SRRM1: variants seen among roughly 807,000 people sequenced by gnomAD.
The protein encoded by SRRM1 is serine/arginine repetitive matrix protein 1.
SRRM1 carries 19 observed loss-of-function variants against 110.2 expected under a neutral mutation model. That is an observed-to-expected ratio of 0.17 (90% CI 0.12 to 0.25). SRRM1 has a LOEUF of 0.25. Ranked by LOEUF, SRRM1 falls within the 10% of genes least tolerant of loss-of-function variation. The probability of loss-of-function intolerance (pLI) is 1.00; values close to 1 mark genes in which losing one functional copy is unlikely to be tolerated. For missense variants in SRRM1, 918 were observed against 1,145.8 expected, an observed-to-expected ratio of 0.80 and a Z score of 2.87; for synonymous variants, 443 against 414.9, an observed-to-expected ratio of 1.07 and a Z score of -0.82.
chr1:24,667,017 G>A, intron 13 of SRRM1, 92 bp downstream of exon 13: 1 of 757,204 alleles, frequency 1.3e-6, no homozygotes, highest in Non-Finnish European at 2.2e-6. Context: ...TTCCTAACAA[G>A]GTTGGAGAGA....
chr1:24,653,543 C>T (rs1662264538), intron 8 of SRRM1, among the ~76,000 whole-genome samples: 3 of 151,950 alleles, frequency 2.0e-5, no homozygotes, highest in Admixed American at 1.3e-4. Context: ...TTCCATAATC[C>T]GTGGGGGAAT....
chr1:24,662,368 G>A (rs1667707740), intron 11 of SRRM1, among the ~76,000 whole-genome samples: 1 of 152,158 alleles, frequency 6.6e-6, no homozygotes, highest in African/African-American at 2.4e-5. Flanking sequence ...TTTCTGCCTT[G>A]GCCTCCCAAA....
At chr1:24,657,117 G>C (rs1360773285) in intron 9 of SRRM1, among the ~76,000 whole-genome samples, 1 of 152,096 alleles carries the variant, frequency 6.6e-6, no homozygotes, top group African/African-American at 2.4e-5. Flanking sequence ...ATCTCACTCT[G>C]TCACTCGGGC....
chr1:24,645,834 T>A (rs532440116), intron 1 of SRRM1, 150 bp from the exon 2 acceptor site: 24 of 556,036 alleles, frequency 4.3e-5, no homozygotes, highest in Admixed American at 9.6e-5. Flanking sequence ...ATCAGCTACA[T>A]TGGGGAAGGA....
intron 9 of SRRM1, among the ~76,000 whole-genome samples, chr1:24,660,182 T>C (rs1666403562): frequency 6.6e-6 from 1 of 152,180 alleles, no homozygotes; most frequent in Admixed American, 6.5e-5. Flanking sequence ...AAGTTGAGTG[T>C]GAGGGAGTGA....
At chr1:24,648,314 A>G (rs1208140167) in intron 3 of SRRM1, 1 of 152,278 alleles carries the variant, frequency 6.6e-6, no homozygotes, top group Admixed American at 6.5e-5. Context: ...CATTGTTATA[A>G]TAGATTTTCC....
rs928827052 is a variant in SRRM1 at position 24,662,732 on chromosome 1, G to A, written c.1556G>A (p.Arg519Lys). The change falls in exon 12 of 17, where the codon AGG (arginine) becomes AAG (lysine). Residue 519 changes from arginine (R) to lysine (K), a missense_variant. Transcript: ENST00000323848. ...CATGTGAAGAATGGTGAGGTTGGCA[G>A]GCGGCGGAGACATTCCCCTTCCCGG... ...RSHVKNGEVG[R>K]RRRHSPSRSA... 6.2e-7 allele frequency: 1 copy of A among 1,614,214 alleles called. No homozygotes were observed. The highest frequency in any genetic ancestry group is 8.5e-7 in the Non-Finnish European group (1 of 1,180,048).
At chr1:24,658,315 A>G (rs980443595) in intron 9 of SRRM1, among the ~76,000 whole-genome samples, 11 of 151,586 alleles carry the variant, frequency 7.3e-5, no homozygotes, top group African/African-American at 1.7e-4. Flanking sequence ...GGTTCAAGCA[A>G]TTCTCCTGCC....
intron 12 of SRRM1, 113 bp downstream of exon 12, chr1:24,662,917 G>T: frequency 2.8e-6 from 4 of 1,411,502 alleles, no homozygotes; most frequent in South Asian, 2.8e-5. Context: ...GGATGTGGTT[G>T]GATTTTTGTT....
intron 9 of SRRM1, among the ~76,000 whole-genome samples, chr1:24,658,250 G>A (rs1665310789): frequency 7.1e-6 from 1 of 139,984 alleles, no homozygotes; most frequent in Non-Finnish European, 1.5e-5. Flanking sequence ...TTGCTCTGTC[G>A]CCCAGGCTGG....
At chr1:24,653,150 A>G (rs1434230080) in intron 8 of SRRM1, 118 bp downstream of exon 8, 9 of 965,810 alleles carry the variant, frequency 9.3e-6, no homozygotes, top group East Asian at 2.8e-5. Context: ...GATATTAGAC[A>G]ATGTCTTCTA....
rs1281608204 is a variant in SRRM1 at position 24,669,443 on chromosome 1, G to A, written c.2060G>A (p.Arg687Gln). The change falls in exon 14 of 17, where the codon CGG (arginine) becomes CAG (glutamine). Residue 687 changes from arginine to glutamine, a missense_variant. Physicochemically the swap from Arg to Gln is conservative, Grantham distance 43. This residue lies in a region of SRRM1 where 357 missense variants were observed against 402.9 expected (regional missense o/e 0.89). Transcript: ENST00000323848. ...AACAAACGGCATTCGCCCTCACCAC[G>A]GCCTCGAGCTCCTCAGACCTCCTCA... ...QPNKRHSPSP[R>Q]PRAPQTSSSP... 18 of 1,613,964 alleles carry A rather than the reference G, an allele frequency of 1.1e-5. No individual in the cohort carries two copies. Among genetic ancestry groups the A allele is most frequent in the South Asian group, 5.5e-5 (5 of 91,078 alleles).
At chr1:24,647,273 T>C (rs1472874600) in intron 3 of SRRM1, 1 of 152,936 alleles carries the variant, frequency 6.5e-6, no homozygotes, top group African/African-American at 2.4e-5. Flanking sequence ...GAAAGAGCAA[T>C]TGGGTAAAGC....
intron 2 of SRRM1, among the ~76,000 whole-genome samples, 154 bp downstream of exon 2, chr1:24,646,227 A>G (rs911646271): frequency 6.6e-6 from 1 of 152,202 alleles, no homozygotes. Flanking sequence ...GCACAGCCAT[A>G]TAAGAATTAG....
chr1:24,652,062 A>C (rs1471051601), intron 6 of SRRM1, among the ~76,000 whole-genome samples: 1 of 132,452 alleles, frequency 7.5e-6, no homozygotes, highest in South Asian at 2.4e-4. Flanking sequence ...ATATATATAT[A>C]TGTACACACA....
At chr1:24,670,340 A>G (rs1264354817) in intron 15 of SRRM1, 25 bp downstream of exon 15, 2 of 1,573,502 alleles carry the variant, frequency 1.3e-6, no homozygotes, top group African/African-American at 2.7e-5. Flanking sequence ...TATTTTGGAC[A>G]CCCTTTTATA....
rs757533525 is a variant in SRRM1 at position 24,662,756 on chromosome 1, G to A, written c.1580G>A (p.Arg527Gln). The change falls in exon 12 of 17, where the codon CGG (arginine) becomes CAG (glutamine). Residue 527 changes from arginine to glutamine, a missense_variant. Arg to Gln is a conservative substitution (Grantham distance 43). Transcript: ENST00000323848. ...AGGCGGCGGAGACATTCCCCTTCCC[G>A]GAGTGCTTCTCCATCACCACGAAAG... Reference protein sequence around the residue: ...VGRRRRHSPSRSASPSPRKRQ... With the variant: ...VGRRRRHSPSQSASPSPRKRQ... 10 of 1,613,994 alleles carry A rather than the reference G, an allele frequency of 6.2e-6. No homozygotes were observed. The highest frequency in any genetic ancestry group is 2.2e-5 in the East Asian group (1 of 44,886).
intron 11 of SRRM1, 138 bp downstream of exon 11, chr1:24,661,534 T>C: frequency 1.7e-6 from 1 of 596,218 alleles, no homozygotes; most frequent in South Asian, 4.2e-5. Context: ...ATTGTTTCTT[T>C]TTTTGGTTTT....
chr1:24,649,525 G>A (rs1396590824), intron 4 of SRRM1, among the ~76,000 whole-genome samples: 1 of 152,126 alleles, frequency 6.6e-6, no homozygotes, highest in Non-Finnish European at 1.5e-5. Flanking sequence ...TGCCATGTTG[G>A]CCAGACTTGT....
Sources: gnomAD v4.1 joint callset for allele counts (sites outside exome capture counted in the v4.1 genomes callset) on GRCh38, gnomAD v4.1.1 for gene constraint, gnomAD v4.1.1 regional missense constraint, MANE v1.5 for transcripts, NCBI Gene and HGNC (gene_info 2026-07-23, HGNC 2026-07-21) for gene names.